The following KIF5B variants were observed in gnomAD, a reference collection of about 807,000 sequenced individuals.
The protein encoded by KIF5B is kinesin-1 heavy chain.
In KIF5B, 49 loss-of-function variants were observed where a neutral mutation model predicts 132.8. That is an observed-to-expected ratio of 0.37 (90% CI 0.29 to 0.47). The LOEUF is 0.47. Among genes scored for constraint, KIF5B ranks in the 20% least tolerant of loss-of-function variants. The pLI, the probability that KIF5B is intolerant of heterozygous loss-of-function variation, is 1.00. For missense variants in KIF5B, 780 were observed against 1,144.0 expected, an observed-to-expected ratio of 0.68 and a Z score of 4.59; for synonymous variants, 355 against 369.4, an observed-to-expected ratio of 0.96 and a Z score of 0.45.
chr10:32,043,015 T>C (rs1841561882), intron 2 of KIF5B, among the ~76,000 whole-genome samples: 1 of 152,036 alleles, frequency 6.6e-6, no homozygotes. Context: ...TGAGACAGAG[T>C]CTTGCTCTGT....
chr10:32,029,403 C>T (rs1282425717), intron 14 of KIF5B, among the ~76,000 whole-genome samples: 1 of 152,180 alleles, frequency 6.6e-6, no homozygotes, highest in Non-Finnish European at 1.5e-5. Context: ...CTGTACTATA[C>T]TGTATTTGTA....
chr10:32,013,528 A>G (rs1216145891), intron 25 of KIF5B, among the ~76,000 whole-genome samples: 1 of 152,224 alleles, frequency 6.6e-6, no homozygotes, highest in East Asian at 1.9e-4. Flanking sequence ...AAGAGATTTA[A>G]GGGATAAAAC....
intron 1 of KIF5B, among the ~76,000 whole-genome samples, chr10:32,048,778 G>A (rs1308160584): frequency 1.3e-5 from 2 of 151,946 alleles, no homozygotes; most frequent in South Asian, 2.1e-4. Flanking sequence ...CATTCCCAGG[G>A]CCCAGTAATT....
intron 25 of KIF5B, among the ~76,000 whole-genome samples, chr10:32,014,312 A>G (rs1170785063): frequency 6.6e-6 from 1 of 151,656 alleles, no homozygotes; most frequent in African/African-American, 2.4e-5. Flanking sequence ...AATCGCTTCA[A>G]CCTGGGAAGC....
intron 15 of KIF5B, among the ~76,000 whole-genome samples, chr10:32,026,829 T>C (rs1005522129): frequency 6.6e-6 from 1 of 152,210 alleles, no homozygotes; most frequent in Non-Finnish European, 1.5e-5. Context: ...GAGATTTCTC[T>C]ACATCTCACA....
In KIF5B at chr10:32,055,961, C is replaced by T; in HGVS notation, c.13G>A (p.Ala5Thr). 1.2e-6 allele frequency: 2 copies of T among 1,607,128 alleles called. No homozygotes were observed. Among genetic ancestry groups the T allele is most frequent in the South Asian group, 2.2e-5 (2 of 91,058 alleles). The change falls in exon 1 of 26, where the codon GCC becomes ACC. Residue 5 changes from alanine (A) to threonine (T), a missense_variant. Ala to Thr is a moderately conservative substitution (Grantham distance 58, BLOSUM62 0). Coordinates refer to ENST00000302418, the MANE Select transcript of KIF5B (RefSeq NM_004521.3). Reference sequence around the variant, plus strand: ...CACATCACTTTGATGTTGCACTCGGCCAGGTCCGCCATCTTTCTCGCAGCC... The same window carrying T: ...CACATCACTTTGATGTTGCACTCGGTCAGGTCCGCCATCTTTCTCGCAGCC... The part of the protein sequence containing the change: MADL[A>T]ECNIKVMCRF...
intron 1 of KIF5B, among the ~76,000 whole-genome samples, chr10:32,051,767 C>G (rs996045218): frequency 1.3e-5 from 2 of 152,290 alleles, no homozygotes; most frequent in Non-Finnish European, 2.9e-5. Flanking sequence ...AAATTACTGA[C>G]TCTGGCTTCC....
At chr10:32,035,758 C>T (rs1452904412) in intron 9 of KIF5B, 91 bp from the exon 10 acceptor site, 1 of 1,359,064 alleles carries the variant, frequency 7.4e-7, no homozygotes, top group Non-Finnish European at 1.0e-6. Context: ...CTTACACATA[C>T]TGATTCAAAC....
chr10:32,039,233 C>T (rs1841501814), intron 4 of KIF5B, 94 bp downstream of exon 4: 3 of 577,778 alleles, frequency 5.2e-6, no homozygotes, highest in South Asian at 2.7e-5. Flanking sequence ...TCCAGAAAAA[C>T]AATTTTTAAA....
chr10:32,034,110 A>ATT, intron 11 of KIF5B, 72 bp from the exon 12 acceptor site: 6 of 1,006,142 alleles, frequency 6.0e-6, no homozygotes, highest in Non-Finnish European at 8.5e-6. Context: ...TTCCTTTAAA[A>ATT]ATTTTTTTTT....
At chr10:32,041,098 A>T (rs1321899595) in intron 2 of KIF5B, among the ~76,000 whole-genome samples, 1 of 150,160 alleles carries the variant, frequency 6.7e-6, no homozygotes, top group Non-Finnish European at 1.5e-5. Flanking sequence ...GTGAGCTGAG[A>T]TCGAGCCACT....
chr10:32,018,733 T>G (rs1344390075), intron 20 of KIF5B, among the ~76,000 whole-genome samples, 171 bp from the exon 21 acceptor site: 1 of 152,024 alleles, frequency 6.6e-6, no homozygotes, highest in African/African-American at 2.4e-5. Flanking sequence ...AAAAAAAATT[T>G]TTTTTTTTTT....
chr10:32,020,146 T>C (rs1267024486), intron 19 of KIF5B, among the ~76,000 whole-genome samples, 187 bp from the exon 20 acceptor site: 1 of 152,144 alleles, frequency 6.6e-6, no homozygotes, highest in African/African-American at 2.4e-5. Flanking sequence ...CGTATTTTGG[T>C]TTGAAATCAT....
At chr10:32,034,111 A>ATT (rs11288781) in intron 11 of KIF5B, 73 bp from the exon 12 acceptor site, 646 of 694,662 alleles carry the variant, frequency 9.3e-4, no homozygotes, top group Non-Finnish European at 1.1e-3. Context: ...TCCTTTAAAA[A>ATT]TTTTTTTTTT....
chr10:32,037,629 T>C, intron 6 of KIF5B, 22 bp from the exon 7 acceptor site: 1 of 1,537,514 alleles, frequency 6.5e-7, no homozygotes. Flanking sequence ...TTTTTAAAAA[T>C]ATGTTAATGT....
intron 15 of KIF5B, among the ~76,000 whole-genome samples, chr10:32,024,752 G>A (rs1043706566): frequency 4.0e-5 from 6 of 151,466 alleles, no homozygotes; most frequent in South Asian, 4.2e-4. Flanking sequence ...GCGACAGAGC[G>A]AGACTCCATC....
intron 4 of KIF5B, 102 bp downstream of exon 4, chr10:32,039,225 C>T (rs1187667949): frequency 1.8e-6 from 1 of 564,374 alleles, no homozygotes; most frequent in African/African-American, 2.0e-5. Flanking sequence ...TGTACCTTTC[C>T]AGAAAAACAA....
chr10:32,028,188 TTATAG>T (rs1841357174), intron 15 of KIF5B, among the ~76,000 whole-genome samples: 1 of 152,004 alleles, frequency 6.6e-6, no homozygotes, highest in African/African-American at 2.4e-5. Flanking sequence ...GGGGAAAATG[TTATAG>T]TAAAGAATCA....
At chr10:32,024,063 A>AC (rs966653033) in intron 15 of KIF5B, among the ~76,000 whole-genome samples, 11 of 74,176 alleles carry the variant, frequency 1.5e-4, no homozygotes, top group African/African-American at 4.3e-4. Context: ...AAAAAAAAAA[A>AC]CAAAAAAAAA....
Sources: gnomAD v4.1 joint callset for allele counts (sites outside exome capture counted in the v4.1 genomes callset) on GRCh38, gnomAD v4.1.1 for gene constraint, MANE v1.5 for transcripts, NCBI Gene and HGNC (gene_info 2026-07-23, HGNC 2026-07-21) for gene names.